The following TENM1 variants were observed in gnomAD, a reference collection of about 807,000 sequenced individuals.
TENM1 encodes the protein teneurin-1.
TENM1 carries 35 observed loss-of-function variants against 174.8 expected under a neutral mutation model. That is an observed-to-expected ratio of 0.20 (90% confidence interval 0.15 to 0.27). TENM1 has a LOEUF of 0.27. Among genes scored for constraint, TENM1 ranks in the 10% least tolerant of loss-of-function variants. The pLI is 1.00. For synonymous variants in TENM1, 781 were observed against 798.7 expected (o/e 0.98, Z 0.37); for missense variants, 1,633 against 2,130.1 (o/e 0.77, Z 4.59).
At chrX:124,438,866 T>TA (rs924118440) in intron 23 of TENM1, among the ~76,000 whole-genome samples, 2 of 111,653 alleles carry the variant, frequency 1.8e-5, no homozygotes, top group African/African-American at 6.5e-5. Flanking sequence ...GAAAAACAGT[T>TA]AAAAAAAGGT....
intron 1 of TENM1, among the ~76,000 whole-genome samples, chrX:124,901,676 C>G (rs762124211): frequency 2.7e-5 from 3 of 110,609 alleles, no homozygotes; most frequent in Admixed American, 9.7e-5. Context: ...AGAGCTCCCC[C>G]CAGTGTTGCC....
the TENM1 span, among the ~76,000 whole-genome samples, chrX:125,117,372 TA>T: frequency 8.9e-6 from 1 of 111,820 alleles, no homozygotes; most frequent in South Asian, 3.7e-4. Context: ...TATGCAGCCA[TA>T]AAAAAGAATG....
chrX:124,743,217 A>C (rs12838476), intron 3 of TENM1, among the ~76,000 whole-genome samples: 1 of 111,630 alleles, frequency 9.0e-6, no homozygotes, highest in Non-Finnish European at 1.9e-5. Context: ...CAAAAGAATA[A>C]AAAGGTAAGA....
At chrX:124,431,533 C>A (rs1474387983) in intron 23 of TENM1, among the ~76,000 whole-genome samples, 1 of 111,954 alleles carries the variant, frequency 8.9e-6, no homozygotes, top group Non-Finnish European at 1.9e-5. Flanking sequence ...GCTGACAACT[C>A]CAGATTGTTA....
chrX:124,527,428 G>A (rs1225685144), intron 16 of TENM1, among the ~76,000 whole-genome samples: 1 of 110,857 alleles, frequency 9.0e-6, no homozygotes, highest in Non-Finnish European at 1.9e-5. Context: ...CATCCCACAT[G>A]ACATATTTGC....
chrX:124,917,360 C>T lies in TENM1; in HGVS notation c.218-21119G>A, dbSNP rs769551980. Among the ~76,000 whole-genome samples the T allele has an allele frequency of 3.6e-5, 4 of 111,880 alleles. No individual in the cohort carries two copies. In the East Asian group the frequency reaches 1.1e-3, roughly 32 times the overall value. On this transcript the variant is annotated intron_variant, in intron 1 of 31. Transcript: ENST00000422452. ...TCTTAAGCTAGTTGGAGTTGGGCTA[C>T]CACCATTCACTGTCGGAGTTCTGAC... is the stretch of plus-strand genomic sequence containing the variant.
At chrX:125,156,541 G>C in the TENM1 span, among the ~76,000 whole-genome samples, 2 of 112,132 alleles carry the variant, frequency 1.8e-5, no homozygotes, top group Admixed American at 1.9e-4. Flanking sequence ...AGTTTGCTTA[G>C]GATAATGGCC....
the TENM1 span, among the ~76,000 whole-genome samples, chrX:125,186,518 G>A: frequency 4.6e-5 from 5 of 109,053 alleles, no homozygotes; most frequent in African/African-American, 1.0e-4. Context: ...CATGAATAGC[G>A]TGGTGCCCTT....
intron 23 of TENM1, among the ~76,000 whole-genome samples, chrX:124,432,024 A>C (rs1356153285): frequency 8.9e-6 from 1 of 112,356 alleles, no homozygotes; most frequent in Non-Finnish European, 1.9e-5. Context: ...TATAGATTAA[A>C]TTGCATCTCT....
chrX:124,720,461 G>A (rs1214219185), intron 4 of TENM1, among the ~76,000 whole-genome samples: 2 of 111,202 alleles, frequency 1.8e-5, no homozygotes, highest in East Asian at 2.8e-4. Flanking sequence ...CCACCCCTCC[G>A]GATCAAACCA....
chrX:124,781,926 AG>A (rs748044909), intron 3 of TENM1, among the ~76,000 whole-genome samples: 1 of 111,918 alleles, frequency 8.9e-6, no homozygotes, highest in African/African-American at 3.2e-5. Context: ...CCAAGGAAGA[AG>A]TTAGACCTCA....
At chrX:124,451,304 G>C (rs746187824) in intron 23 of TENM1, among the ~76,000 whole-genome samples, 6 of 110,469 alleles carry the variant, frequency 5.4e-5, no homozygotes, top group Non-Finnish European at 9.5e-5. Context: ...AAAAAACACA[G>C]ATTTCCTAAA....
At chrX:124,826,431 G>C (rs2056163304) in intron 3 of TENM1, among the ~76,000 whole-genome samples, 1 of 108,732 alleles carries the variant, frequency 9.2e-6, no homozygotes, top group Admixed American at 9.9e-5. Flanking sequence ...AAATTATTTA[G>C]AGTGCCAAAA....
chrX:124,424,298 A>G (rs1476870889), intron 23 of TENM1, among the ~76,000 whole-genome samples: 2 of 112,201 alleles, frequency 1.8e-5, no homozygotes, highest in South Asian at 7.5e-4. Context: ...CATATCCATC[A>G]CCTCAAGCAT....
chrX:124,582,113 T>C (rs187903230), intron 11 of TENM1, among the ~76,000 whole-genome samples: 5 of 111,607 alleles, frequency 4.5e-5, no homozygotes, highest in Admixed American at 9.5e-5. Context: ...CAGCTACCAC[T>C]TATGTATAAG....
chrX:124,995,280 G>A, the TENM1 span, among the ~76,000 whole-genome samples: 2 of 111,125 alleles, frequency 1.8e-5, no homozygotes, highest in Non-Finnish European at 3.8e-5. Flanking sequence ...GTTTATATGT[G>A]TAATTATTTT....
intron 1 of TENM1, among the ~76,000 whole-genome samples, chrX:124,905,604 A>G (rs1275918156): frequency 9.0e-6 from 1 of 111,724 alleles, no homozygotes. Context: ...AATTAGGTAA[A>G]CCCTGTAAGA....
chrX:124,989,720 G>GA, the TENM1 span, among the ~76,000 whole-genome samples: 322 of 101,848 alleles, frequency 3.2e-3, 3 homozygotes, highest in Admixed American at 0.021. Context: ...TCTTCTGCAG[G>GA]AAAAAAAAAA....
intron 25 of TENM1, among the ~76,000 whole-genome samples, chrX:124,406,968 G>C (rs1433895929): frequency 2.7e-5 from 3 of 111,913 alleles, no homozygotes; most frequent in Non-Finnish European, 3.8e-5. Flanking sequence ...TGCTGTTTAA[G>C]TTGCCAAATT....
Sources: allele counts gnomAD v4.1 joint callset (sites outside exome capture counted in the v4.1 genomes callset), GRCh38; gene constraint gnomAD v4.1.1; transcripts MANE v1.5; gene names NCBI Gene and HGNC (gene_info 2026-07-23, HGNC 2026-07-21).